Variants in ZNF562 observed in about 807,000 individuals in gnomAD.
ZNF562 encodes the protein zinc finger protein 562.
Under a neutral mutation model 17.5 loss-of-function variants are expected in ZNF562, and 13 were observed. The ratio of observed to expected loss-of-function variants is 0.74; its 90% CI spans 0.48 to 1.18. The LOEUF is 1.18. Among genes scored for constraint, ZNF562 ranks in the 50% most tolerant of loss-of-function variants. The pLI, the probability that ZNF562 is intolerant of heterozygous loss-of-function variation, is 0.00. For missense variants in ZNF562, 481 were observed against 498.5 expected, an observed-to-expected ratio of 0.96 and a Z score of 0.33; for synonymous variants, 163 against 165.4, an observed-to-expected ratio of 0.99 and a Z score of 0.11.
At position 9,653,228 on chromosome 19, in the gene ZNF562, A is replaced by G; in HGVS notation, c.1002T>C (p.His334=). The G allele has an allele frequency of 6.2e-7, 1 of 1,614,186 alleles. No homozygotes were observed. The change falls in exon 6 of 6, where the codon CAT becomes CAC. Residue 334 remains histidine, a synonymous_variant. Coordinates refer to ENST00000453372, the MANE Select transcript of ZNF562 (RefSeq NM_001130031.2). ...AFTRSTHLTQ[H]VRTHTGIKPY... is the part of the protein sequence containing the mutation. ...GTTTTATTCCAGTGTGAGTTCTTAC[A>G]TGTTGAGTAAGGTGAGTTGATCTAG...
In ZNF562 at chr19:9,653,433, CCA is replaced by C. The variant is rs1424498385; in HGVS notation, c.795_796del (p.Cys265TrpfsTer6). 1 of 1,614,036 alleles carries C rather than the reference CCA, an allele frequency of 6.2e-7. No individual in the cohort carries two copies. Among genetic ancestry groups the C allele is most frequent in the Non-Finnish European group, 8.5e-7 (1 of 1,180,042 alleles). ...TTGAGAAAAATTAGTGAAGGATTTC[CCA>C]CAGTTCTTAGTCTTTTCGGATTTCT... On this transcript the variant is annotated frameshift_variant, in exon 6 of 6. Coordinates refer to ENST00000453372, the MANE Select transcript of ZNF562 (RefSeq NM_001130031.2). LOFTEE classifies it low-confidence loss of function (END_TRUNC).
intron 5 of ZNF562, 110 bp from the exon 6 acceptor site, chr19:9,653,991 A>C: frequency 8.4e-7 from 1 of 1,196,586 alleles, no homozygotes; most frequent in Non-Finnish European, 1.1e-6. Flanking sequence ...TTTAATGTTT[A>C]ATTTTTTTTT....
At chr19:9,670,916 GA>G (rs2145050156) in intron 1 of ZNF562, among the ~76,000 whole-genome samples, 1 of 151,444 alleles carries the variant, frequency 6.6e-6, no homozygotes, top group East Asian at 1.9e-4. Flanking sequence ...AGAATCACTT[GA>G]ATCCGGGAGG....
At chr19:9,669,710 G>A (rs895865559) in intron 1 of ZNF562, among the ~76,000 whole-genome samples, 18 of 82,200 alleles carry the variant, frequency 2.2e-4, no homozygotes, top group African/African-American at 9.0e-4. Flanking sequence ...CTGCATGCAC[G>A]CGCGCGAGCG....
At chr19:9,656,279 G>A (rs1261052718) in intron 5 of ZNF562, among the ~76,000 whole-genome samples, 3 of 152,174 alleles carry the variant, frequency 2.0e-5, no homozygotes, top group Non-Finnish European at 2.9e-5. Context: ...GGAGGTCGAG[G>A]CAGATGGATC....
rs2074800707 is a variant in ZNF562 at position 9,645,540 on chromosome 19, C to T, written c.*7409G>A. ...TTAGCAGAAGCCTCTTGAGGATGGA[C>T]TTGCAAACCAAAGTTGTGCTGGTTT... On this transcript the variant is annotated 3_prime_UTR_variant, in exon 6 of 6. Coordinates refer to ENST00000453372, the MANE Select transcript of ZNF562 (RefSeq NM_001130031.2). 1 of 152,204 alleles carries T rather than the reference C, an allele frequency of 6.6e-6. No homozygotes were observed. Among genetic ancestry groups the T allele is most frequent in the African/African-American group, 2.4e-5 (1 of 41,440 alleles). 9.4% of individuals were successfully genotyped at this position (152,204 alleles called of 1,614,324 possible).
intron 1 of ZNF562, among the ~76,000 whole-genome samples, chr19:9,669,734 G>GCGCGCGCGCA (rs1221319747): frequency 9.1e-6 from 1 of 109,300 alleles, no homozygotes; most frequent in Non-Finnish European, 1.9e-5. Context: ...GCGCGCGCGC[G>GCGCGCGCGCA]CACACACACA....
chr19:9,670,496 G>A (rs2044150058), intron 1 of ZNF562, among the ~76,000 whole-genome samples: 1 of 146,704 alleles, frequency 6.8e-6, no homozygotes, highest in Admixed American at 7.2e-5. Context: ...TTATTATTCA[G>A]CCATAAAGAG....
At position 9,649,368 on chromosome 19, in the gene ZNF562, A is replaced by T. The variant is rs1440386255; in HGVS notation, c.*3581T>A. The T allele has an allele frequency of 1.3e-5, 2 of 152,226 alleles. No homozygotes were observed. Among genetic ancestry groups the T allele is most frequent in the African/African-American group, 4.8e-5 (2 of 41,458 alleles). The allele number at this position is 152,226 out of a possible 1,614,324, so 9.4% of individuals were successfully genotyped here. A position where few individuals can be genotyped will look rare whatever the true frequency, so the allele number is the denominator to read the frequency against. On this transcript the variant is annotated 3_prime_UTR_variant, in exon 6 of 6. Transcript: ENST00000453372. Reference sequence around the variant, plus strand: ...TTGAAAAAAGAACAGGATAACAGCAATGTTTAGGAAACAAGAGAGATAACC... The same window carrying T: ...TTGAAAAAAGAACAGGATAACAGCATTGTTTAGGAAACAAGAGAGATAACC...
In ZNF562 at chr19:9,659,467, C is replaced by G. The variant is rs1375598542; in HGVS notation, c.26G>C (p.Gly9Ala). The stretch of plus-strand genomic sequence containing the variant: ...ACAGATTGGTTCCCTGGGAAAAAAC[C>G]CTAGTGGAAAAGTAAGAAGGCATGA... The part of the protein sequence containing the change: MSAFDMSH[G>A]FFPREPICPF... The change falls in exon 3 of 6, where the codon GGG (glycine) becomes GCG (alanine). Residue 9 changes from glycine (G) to alanine (A), a missense_variant and splice_region_variant. Coordinates refer to ENST00000453372, the MANE Select transcript of ZNF562 (RefSeq NM_001130031.2). 1.4e-5 allele frequency: 22 copies of G among 1,550,594 alleles called. No individual in the cohort carries two copies. The highest frequency in any genetic ancestry group is 1.9e-5 in the Non-Finnish European group (22 of 1,146,680).
intron 1 of ZNF562, among the ~76,000 whole-genome samples, chr19:9,669,089 C>A (rs931755780): frequency 6.6e-6 from 1 of 152,032 alleles, no homozygotes; most frequent in African/African-American, 2.4e-5. Flanking sequence ...AAAGCACAGG[C>A]AACAAGAGCA....
chr19:9,673,974 C>G (rs1057163750), intron 1 of ZNF562, among the ~76,000 whole-genome samples: 2 of 152,072 alleles, frequency 1.3e-5, no homozygotes, highest in Non-Finnish European at 2.9e-5. Context: ...ATAACATTTT[C>G]TTTTCTCAGC....
chr19:9,648,590 C>T lies in ZNF562; in HGVS notation c.*4359G>A, dbSNP rs2074826154. The T allele has an allele frequency of 6.6e-6, 1 of 151,974 alleles. No homozygotes were observed. Among genetic ancestry groups the T allele is most frequent in the Non-Finnish European group, 1.5e-5 (1 of 67,978 alleles). 9.4% of individuals were successfully genotyped at this position (151,974 alleles called of 1,614,324 possible). A position where few individuals can be genotyped will look rare whatever the true frequency, so the allele number is the denominator to read the frequency against. Reference sequence around the variant, plus strand: ...ATTGCTGGGATTACAGGCATAAGCCCCCACACCCAGCCTGACCACATTTGT... The same window carrying T: ...ATTGCTGGGATTACAGGCATAAGCCTCCACACCCAGCCTGACCACATTTGT... On this transcript the variant is annotated 3_prime_UTR_variant, in exon 6 of 6. Transcript: ENST00000453372.
At position 9,649,623 on chromosome 19, in the gene ZNF562, C is replaced by T. The variant is rs2074840961; in HGVS notation, c.*3326G>A. On this transcript the variant is annotated 3_prime_UTR_variant, in exon 6 of 6. Coordinates refer to ENST00000453372, the MANE Select transcript of ZNF562 (RefSeq NM_001130031.2). The stretch of plus-strand genomic sequence containing the variant: ...CCCAGTCTCCCATAGCACTCCCAGG[C>T]TTATTAGGAAGAGGAAATTCCCACC... 2.0e-5 allele frequency: 3 copies of T among 152,170 alleles called. No individual in the cohort carries two copies. In the South Asian group the frequency reaches 6.2e-4, roughly 32 times the overall value. 9.4% of individuals were successfully genotyped at this position (152,170 alleles called of 1,614,324 possible).
intron 1 of ZNF562, among the ~76,000 whole-genome samples, chr19:9,664,845 A>AAAAAG (rs540743921): frequency 1.4e-4 from 21 of 152,164 alleles, no homozygotes; most frequent in South Asian, 6.2e-4. Context: ...ACTCTGTCTC[A>AAAAAG]AAAAGAAAAG....
At chr19:9,669,734 GCACACACACACACACA>G (rs71188835) in intron 1 of ZNF562, among the ~76,000 whole-genome samples, 200 of 109,336 alleles carry the variant, frequency 1.8e-3, no homozygotes, top group Admixed American at 0.013. Flanking sequence ...GCGCGCGCGC[GCACACACACACACACA>G]CACACACACA....
At position 9,652,759 on chromosome 19, in the gene ZNF562, C is replaced by G. The variant is rs2074888600; in HGVS notation, c.*190G>C. ...ATAATTAAAGATGGCAACCAATGGG[C>G]TAAATGGTAACAACACTCATATCCT... On this transcript the variant is annotated 3_prime_UTR_variant, in exon 6 of 6. Transcript: ENST00000453372. 1 of 493,602 alleles carries G rather than the reference C, an allele frequency of 2.0e-6. No individual in the cohort carries two copies. Among genetic ancestry groups the G allele is most frequent in the East Asian group, 3.3e-5 (1 of 30,048 alleles). 30.6% of individuals were successfully genotyped at this position (493,602 alleles called of 1,614,324 possible). A position where few individuals can be genotyped will look rare whatever the true frequency, so the allele number is the denominator to read the frequency against.
In ZNF562 at chr19:9,669,302, T is replaced by A. The variant is rs147252735; in HGVS notation, c.-131+5713A>T. On this transcript the variant is annotated intron_variant, in intron 1 of 5. Transcript: ENST00000453372. ...AAAATCAGCAAAAGGTCAGAATAGA[T>A]GTTTCTCAAAAAAAAGACATACAAA... Among the ~76,000 whole-genome samples the A allele has an allele frequency of 4.0e-3, 605 of 152,168 alleles. 3 individuals are homozygous for A. The highest frequency in any genetic ancestry group is 6.8e-3 in the Non-Finnish European group (464 of 67,976).
At chr19:9,669,915 A>G (rs951571862) in intron 1 of ZNF562, among the ~76,000 whole-genome samples, 1 of 152,000 alleles carries the variant, frequency 6.6e-6, no homozygotes, top group Non-Finnish European at 1.5e-5. Context: ...TACAAAAATT[A>G]GCTGGGCATG....
Sources: gnomAD v4.1 joint callset for allele counts (sites outside exome capture counted in the v4.1 genomes callset) on GRCh38, gnomAD v4.1.1 for gene constraint, MANE v1.5 for transcripts, NCBI Gene and HGNC (gene_info 2026-07-23, HGNC 2026-07-21) for gene names.